NCAM2: variants seen among roughly 807,000 people sequenced by gnomAD.
The protein encoded by NCAM2 is N-CAM-2.
Under a neutral mutation model 98.1 loss-of-function variants are expected in NCAM2, and 30 were observed. The observed-to-expected ratio is 0.31, with a 90% confidence interval of 0.23 to 0.41. NCAM2 has a LOEUF of 0.41. Ranked by LOEUF, NCAM2 falls within the 10% of genes least tolerant of loss-of-function variation. The pLI is 1.00. For synonymous variants in NCAM2, 368 were observed against 342.4 expected, an observed-to-expected ratio of 1.07 and a Z score of -0.83; for missense variants, 867 against 1,005.8, an observed-to-expected ratio of 0.86 and a Z score of 1.87.
intron 1 of NCAM2, among the ~76,000 whole-genome samples, chr21:21,156,572 G>GATT (rs1369116572): frequency 3.7e-5 from 5 of 135,864 alleles, no homozygotes; most frequent in African/African-American, 5.5e-5. Flanking sequence ...AGTGTAAATA[G>GATT]ATAGATTATA....
chr21:21,175,025 C>G lies in NCAM2; in HGVS notation c.56-105553C>G, dbSNP rs147737614. 5.4e-3 allele frequency among the ~76,000 whole-genome samples: 828 copies of G among 152,032 alleles called. 6 individuals are homozygous for G. Among genetic ancestry groups the G allele is most frequent in the Middle Eastern group, 0.01 (3 of 294 alleles). Reference sequence around the variant, plus strand: ...AACATAGTGAAAAATTATATAGATCCTTGCAAGTCACAGTAATAAAGTTTT... The same window carrying G: ...AACATAGTGAAAAATTATATAGATCGTTGCAAGTCACAGTAATAAAGTTTT... On this transcript the variant is annotated intron_variant, in intron 1 of 17. Coordinates refer to ENST00000400546, the MANE Select transcript of NCAM2 (RefSeq NM_004540.5).
intron 1 of NCAM2, among the ~76,000 whole-genome samples, chr21:21,115,437 C>G (rs1004294505): frequency 6.6e-6 from 1 of 152,084 alleles, no homozygotes; most frequent in African/African-American, 2.4e-5. Flanking sequence ...AGTTTACACT[C>G]AGTTTCTCTC....
chr21:21,217,215 C>T, intron 1 of NCAM2, among the ~76,000 whole-genome samples: 1 of 152,082 alleles, frequency 6.6e-6, no homozygotes, highest in East Asian at 1.9e-4. Flanking sequence ...ACCATACCAC[C>T]AGGTCTTTGT....
intron 1 of NCAM2, among the ~76,000 whole-genome samples, chr21:21,170,315 T>G (rs2068082358): frequency 6.6e-6 from 1 of 152,222 alleles, no homozygotes; most frequent in Non-Finnish European, 1.5e-5. Flanking sequence ...ACATTTATAG[T>G]GACTTTATTT....
intron 11 of NCAM2, among the ~76,000 whole-genome samples, chr21:21,429,592 T>A (rs1292315818): frequency 6.6e-6 from 1 of 152,212 alleles, no homozygotes; most frequent in Non-Finnish European, 1.5e-5. Context: ...ATCAAACTTA[T>A]AAGTAAATTT....
intron 1 of NCAM2, among the ~76,000 whole-genome samples, chr21:21,042,326 G>A (rs368261854): frequency 3.3e-5 from 5 of 151,984 alleles, no homozygotes; most frequent in East Asian, 3.9e-4. Context: ...CTGGTATTAC[G>A]GGCATGCACC....
At chr21:21,441,528 TAAG>T (rs1360436292) in intron 12 of NCAM2, among the ~76,000 whole-genome samples, 1 of 152,192 alleles carries the variant, frequency 6.6e-6, no homozygotes, top group Non-Finnish European at 1.5e-5. Context: ...TATTTGCCCT[TAAG>T]GAGCTTAGAT....
intron 15 of NCAM2, among the ~76,000 whole-genome samples, chr21:21,494,847 T>G (rs1987105392): frequency 6.6e-6 from 1 of 151,872 alleles, no homozygotes; most frequent in Non-Finnish European, 1.5e-5. Context: ...TTTTAAAATT[T>G]TTAGTACTTT....
At chr21:21,083,594 T>G (rs2065852566) in intron 1 of NCAM2, among the ~76,000 whole-genome samples, 1 of 152,030 alleles carries the variant, frequency 6.6e-6, no homozygotes, top group African/African-American at 2.4e-5. Context: ...TTCATATTTT[T>G]AGTAGAGATG....
intron 1 of NCAM2, among the ~76,000 whole-genome samples, chr21:21,172,419 A>G (rs750997579): frequency 1.3e-5 from 2 of 152,034 alleles, no homozygotes; most frequent in African/African-American, 4.8e-5. Flanking sequence ...CTTTTTTCCT[A>G]AACTTTTTAT....
chr21:21,521,338 T>A (rs1989004116), intron 16 of NCAM2, among the ~76,000 whole-genome samples: 1 of 152,098 alleles, frequency 6.6e-6, no homozygotes, highest in Non-Finnish European at 1.5e-5. Flanking sequence ...AAAGGCCTAT[T>A]GATTATATTT....
intron 1 of NCAM2, among the ~76,000 whole-genome samples, chr21:21,229,436 T>A (rs2070529203): frequency 6.6e-6 from 1 of 151,540 alleles, no homozygotes; most frequent in Non-Finnish European, 1.5e-5. Context: ...GGCATTATAG[T>A]ATTAATAAAT....
intron 1 of NCAM2, among the ~76,000 whole-genome samples, chr21:21,268,620 T>C (rs537161531): frequency 6.6e-6 from 1 of 152,248 alleles, no homozygotes; most frequent in East Asian, 1.9e-4. Flanking sequence ...TGTTATTTTA[T>C]CTCAAGCTGG....
intron 1 of NCAM2, among the ~76,000 whole-genome samples, chr21:21,213,540 G>GATGCT (rs1237773995): frequency 6.6e-6 from 1 of 152,132 alleles, no homozygotes; most frequent in East Asian, 1.9e-4. Context: ...GCACTGGGTA[G>GATGCT]ATGCTATTAG....
In NCAM2 at chr21:21,265,354, ATAT is replaced by A. The variant is rs1568856739; in HGVS notation, c.56-15220_56-15218del. On this transcript the variant is annotated intron_variant, in intron 1 of 17. Coordinates refer to ENST00000400546, the MANE Select transcript of NCAM2 (RefSeq NM_004540.5). ...ATAATATATATGTGTATGTATGTATATATTATATTATATATACACATACACATA... is the reference window on the plus strand; with the variant it reads ...ATAATATATATGTGTATGTATGTATATATATTATATATACACATACACATA... Among the ~76,000 whole-genome samples the A allele has an allele frequency of 8.2e-5, 9 of 109,136 alleles. No individual in the cohort carries two copies. The South Asian group carries it at 2.0e-3, about 25-fold the overall frequency. The allele number at this position is 109,136 out of a possible 152,430, so 71.6% of individuals were successfully genotyped here. A position where few individuals can be genotyped will look rare whatever the true frequency, so the allele number is the denominator to read the frequency against.
chr21:21,335,741 G>T, intron 7 of NCAM2, 76 bp downstream of exon 7: 2 of 1,202,500 alleles, frequency 1.7e-6, no homozygotes, highest in South Asian at 5.0e-5. Flanking sequence ...CTAATCATTT[G>T]AACTATTTAA....
At chr21:21,171,399 C>T (rs2068119261) in intron 1 of NCAM2, among the ~76,000 whole-genome samples, 1 of 152,166 alleles carries the variant, frequency 6.6e-6, no homozygotes, top group South Asian at 2.1e-4. Flanking sequence ...TCCTTTATCT[C>T]TATTTGGTAG....
chr21:21,442,294 T>C lies in NCAM2; in HGVS notation c.1654+10013T>C, dbSNP rs553386285. 1.4e-3 allele frequency among the ~76,000 whole-genome samples: 212 copies of C among 152,248 alleles called. 3 individuals are homozygous for C. Among genetic ancestry groups the C allele is most frequent in the Admixed American group, 1.8e-3 (28 of 15,264 alleles). On this transcript the variant is annotated intron_variant, in intron 12 of 17. Transcript: ENST00000400546. The stretch of plus-strand genomic sequence containing the variant: ...GCAGTTGAGGAGGGATGGGAAGAAG[T>C]TGTCAAATTCTAGACATATTTTAAA...
chr21:21,144,726 C>A (rs2067237730), intron 1 of NCAM2, among the ~76,000 whole-genome samples: 1 of 152,162 alleles, frequency 6.6e-6, no homozygotes, highest in African/African-American at 2.4e-5. Flanking sequence ...TCTGACACAT[C>A]TTCCTTCATT....
Sources: allele counts gnomAD v4.1 joint callset (sites outside exome capture counted in the v4.1 genomes callset), GRCh38; gene constraint gnomAD v4.1.1; transcripts MANE v1.5; gene names NCBI Gene and HGNC (gene_info 2026-07-23, HGNC 2026-07-21).